RELN: variants seen among roughly 807,000 people sequenced by gnomAD.
The protein encoded by RELN is reelin.
RELN carries 108 observed loss-of-function variants against 427.6 expected under a neutral mutation model. The observed-to-expected ratio is 0.25, with a 90% CI of 0.22 to 0.30. The LOEUF (loss-of-function observed/expected upper bound fraction) is 0.30, where lower values mean the gene tolerates loss of function less well. Ranked by LOEUF, RELN falls within the 10% of genes least tolerant of loss-of-function variation. The pLI, the probability that RELN is intolerant of heterozygous loss-of-function variation, is 1.00. For synonymous variants in RELN, 1,524 were observed against 1,513.4 expected (o/e 1.01, Z -0.16); for missense variants, 3,715 against 4,302.8 (o/e 0.86, Z 3.82).
In RELN at chr7:103,566,352, T is replaced by G. The variant is rs552290322; in HGVS notation, c.4808A>C (p.Gln1603Pro). 6.2e-6 allele frequency: 10 copies of G among 1,614,124 alleles called. No homozygotes were observed. Among genetic ancestry groups the G allele is most frequent in the African/African-American group, 2.7e-5 (2 of 75,044 alleles). The change falls in exon 33 of 65, where the codon CAA becomes CCA. Residue 1603 changes from glutamine (Q) to proline (P), a missense_variant. Transcript: ENST00000428762. The stretch of plus-strand genomic sequence containing the variant: ...ATCAAATTTGTCTTGAAATCCAGTT[T>G]GAGAGCTGTCATTCATTCCTATAAG... ...DVLIGMNDSS[Q>P]TGFQDKFDGS...
chr7:103,986,625 T>C (rs1797102423), intron 1 of RELN, among the ~76,000 whole-genome samples: 1 of 110,092 alleles, frequency 9.1e-6, no homozygotes, highest in Non-Finnish European at 1.7e-5. Flanking sequence ...TGCATTCTTT[T>C]AGGTAAAAAA....
chr7:103,634,587 A>G (rs1430914103), intron 19 of RELN, among the ~76,000 whole-genome samples: 1 of 152,142 alleles, frequency 6.6e-6, no homozygotes, highest in Non-Finnish European at 1.5e-5. Context: ...GAAAAATAGA[A>G]ATGGCCTGAA....
At chr7:103,737,704 CA>C (rs1197487384) in intron 6 of RELN, among the ~76,000 whole-genome samples, 1 of 152,200 alleles carries the variant, frequency 6.6e-6, no homozygotes, top group African/African-American at 2.4e-5. Flanking sequence ...ATTGCTCCAA[CA>C]AATTAGTATT....
At chr7:103,534,344 G>C (rs77795161) in intron 46 of RELN, among the ~76,000 whole-genome samples, 7,926 of 152,270 alleles carry the variant, frequency 0.052, 249 homozygotes, top group African/African-American at 0.073. Context: ...ACCTAGTTTA[G>C]ATGGTGAAAG....
In RELN at chr7:103,766,168, C is replaced by A. The variant is rs562640951; in HGVS notation, c.544+10389G>T. 3.3e-5 allele frequency among the ~76,000 whole-genome samples: 5 copies of A among 152,204 alleles called. No individual in the cohort carries two copies. The East Asian group carries it at 9.7e-4, about 29-fold the overall frequency. On this transcript the variant is annotated intron_variant, in intron 4 of 64. Transcript: ENST00000428762. The stretch of plus-strand genomic sequence containing the variant: ...GGGTTCCTGGATGGTTTTCCCTGAG[C>A]CTCTTAATTCAGTTGTCTTTGTTTA...
At chr7:103,641,460 A>G (rs1470836364) in intron 16 of RELN, among the ~76,000 whole-genome samples, 1 of 152,202 alleles carries the variant, frequency 6.6e-6, no homozygotes, top group East Asian at 1.9e-4. Context: ...TTGTAGGCCA[A>G]TGGAAAGATC....
intron 2 of RELN, among the ~76,000 whole-genome samples, chr7:103,837,225 A>C (rs1051219834): frequency 6.6e-6 from 1 of 152,150 alleles, no homozygotes; most frequent in African/African-American, 2.4e-5. Context: ...TGTTCCATCA[A>C]AATGATTTCT....
intron 2 of RELN, among the ~76,000 whole-genome samples, chr7:103,857,675 G>A (rs1187625597): frequency 6.6e-6 from 1 of 152,174 alleles, no homozygotes; most frequent in African/African-American, 2.4e-5. Context: ...GGAGCTCACA[G>A]TCAGGGAGGC....
chr7:103,920,744 A>G (rs1795600403), intron 1 of RELN, among the ~76,000 whole-genome samples: 1 of 151,630 alleles, frequency 6.6e-6, no homozygotes, highest in African/African-American at 2.4e-5. Context: ...TGGCTAATGA[A>G]TGTATTTTTA....
At chr7:103,690,318 C>G (rs1231871573) in intron 10 of RELN, among the ~76,000 whole-genome samples, 3 of 151,954 alleles carry the variant, frequency 2.0e-5, no homozygotes, top group Admixed American at 6.6e-5. Context: ...TAATCCTTGA[C>G]GGTAAAACCA....
intron 6 of RELN, among the ~76,000 whole-genome samples, chr7:103,734,525 C>T (rs973803363): frequency 2.0e-5 from 3 of 152,156 alleles, no homozygotes; most frequent in African/African-American, 7.2e-5. Flanking sequence ...TGCTAGCAAT[C>T]CTCAAAAACC....
At chr7:103,888,357 T>G (rs1794770860) in intron 2 of RELN, among the ~76,000 whole-genome samples, 1 of 152,036 alleles carries the variant, frequency 6.6e-6, no homozygotes, top group Non-Finnish European at 1.5e-5. Context: ...CTCCCCACCT[T>G]ACCAGGCAAC....
intron 46 of RELN, among the ~76,000 whole-genome samples, chr7:103,527,311 C>T (rs1829843095): frequency 6.6e-6 from 1 of 152,172 alleles, no homozygotes; most frequent in Admixed American, 6.5e-5. Flanking sequence ...GAAAGAGATA[C>T]ATAAAATATT....
intron 3 of RELN, among the ~76,000 whole-genome samples, chr7:103,798,754 T>C (rs1207947186): frequency 1.3e-5 from 2 of 152,170 alleles, no homozygotes; most frequent in Non-Finnish European, 2.9e-5. Flanking sequence ...TCCTTAGAAG[T>C]AGGTTATAAT....
Position 103,873,822 on chromosome 7 carries a change from T to C in RELN, c.338-40150A>G, listed in dbSNP as rs1334970729. On this transcript the variant is annotated intron_variant, in intron 2 of 64. Transcript: ENST00000428762. ...TTCCTTCTGAAACTATTCCAATCAA[T>C]AGAAAAAGAGGGAATCCTCCCTAAC... Among the ~76,000 whole-genome samples the C allele has an allele frequency of 2.5e-5, 3 of 120,712 alleles. No individual in the cohort carries two copies. In the Admixed American group the frequency reaches 2.6e-4, roughly 10 times the overall value. The allele number at this position is 120,712 out of a possible 152,430, so 79.2% of individuals were successfully genotyped here.
intron 1 of RELN, among the ~76,000 whole-genome samples, chr7:103,956,994 AG>A (rs1227308499): frequency 6.6e-6 from 1 of 152,208 alleles, no homozygotes; most frequent in Non-Finnish European, 1.5e-5. Context: ...GCACAGACAC[AG>A]GTAACAGGAG....
chr7:103,479,013 C>G (rs2116964087), intron 63 of RELN, among the ~76,000 whole-genome samples: 1 of 152,238 alleles, frequency 6.6e-6, no homozygotes, highest in African/African-American at 2.4e-5. Flanking sequence ...GTTTGCAGTT[C>G]TCCGTAAATG....
At position 103,776,607 on chromosome 7, in the gene RELN, C is replaced by T; in HGVS notation, c.494G>A (p.Gly165Asp). The change falls in exon 4 of 65, where the codon GGC becomes GAC. Residue 165 changes from glycine to aspartate, a missense_variant. This residue lies in a region of RELN where 2,208 missense variants were observed against 2,361.7 expected (regional missense o/e 0.93). Transcript: ENST00000428762. The part of the protein sequence containing the change: ...VNFMATATHR[G>D]QVIFKDALAQ... ...TAAAGCATCTTTGAAAATAACCTGG[C>T]CCCGGTGTGTTGCTGTAGCCCTGGA... The T allele has an allele frequency of 6.2e-7, 1 of 1,614,030 alleles. No individual in the cohort carries two copies.
chr7:103,850,486 C>T (rs555746915), intron 2 of RELN, among the ~76,000 whole-genome samples: 1 of 152,230 alleles, frequency 6.6e-6, no homozygotes, highest in South Asian at 2.1e-4. Context: ...CTGCCTGGCA[C>T]CACAGGGATC....
Sources: gnomAD v4.1 joint callset for allele counts (sites outside exome capture counted in the v4.1 genomes callset) on GRCh38, gnomAD v4.1.1 for gene constraint, gnomAD v4.1.1 regional missense constraint, MANE v1.5 for transcripts, NCBI Gene and HGNC (gene_info 2026-07-23, HGNC 2026-07-21) for gene names.